Variants in NYAP2 observed in about 807,000 individuals in gnomAD.
NYAP2 encodes neuronal tyrosine-phosphorylated phosphoinositide-3-kinase adapter 2.
In NYAP2, 23 loss-of-function variants were observed where a neutral mutation model predicts 50.4. The ratio of observed to expected loss-of-function variants is 0.46; its 90% CI spans 0.33 to 0.65. The LOEUF is 0.65. Among genes scored for constraint, NYAP2 ranks in the 30% least tolerant of loss-of-function variants. NYAP2 has a pLI of 0.02. For synonymous variants in NYAP2, 394 were observed against 365.2 expected, an observed-to-expected ratio of 1.08 and a Z score of -0.90; for missense variants, 885 against 861.0, an observed-to-expected ratio of 1.03 and a Z score of -0.35.
At chr2:225,488,788 G>A (rs1690349655) in intron 3 of NYAP2, among the ~76,000 whole-genome samples, 1 of 152,246 alleles carries the variant, frequency 6.6e-6, no homozygotes, top group African/African-American at 2.4e-5. Flanking sequence ...ACACTCTTTT[G>A]GGACAGACTT....
At chr2:225,630,319 C>T (rs958469706) in intron 6 of NYAP2, among the ~76,000 whole-genome samples, 1 of 152,172 alleles carries the variant, frequency 6.6e-6, no homozygotes, top group African/African-American at 2.4e-5. Flanking sequence ...GTAGGCAGTT[C>T]CAGGTGTTTT....
the NYAP2 span, chr2:225,703,524 C>G: frequency 6.6e-6 from 1 of 151,654 alleles, no homozygotes; most frequent in African/African-American, 2.4e-5. Context: ...TACTTTGATA[C>G]TACTAAAGTA....
chr2:225,579,533 GT>G (rs759179847), intron 4 of NYAP2, among the ~76,000 whole-genome samples: 15 of 152,034 alleles, frequency 9.9e-5, no homozygotes, highest in Non-Finnish European at 2.2e-4. Context: ...CATTTTTTCT[GT>G]TTCTTTTGGC....
At chr2:225,451,980 A>G (rs2106148168) in intron 3 of NYAP2, among the ~76,000 whole-genome samples, 1 of 152,296 alleles carries the variant, frequency 6.6e-6, no homozygotes, top group African/African-American at 2.4e-5. Context: ...ATATACACAC[A>G]CACACATAAA....
the NYAP2 span, among the ~76,000 whole-genome samples, chr2:225,696,231 C>A: frequency 2.6e-5 from 4 of 151,912 alleles, no homozygotes; most frequent in African/African-American, 7.2e-5. Context: ...GACCTAGTTT[C>A]TTAAACTTTC....
At chr2:225,427,514 G>A (rs1695304831) in intron 3 of NYAP2, among the ~76,000 whole-genome samples, 1 of 152,154 alleles carries the variant, frequency 6.6e-6, no homozygotes, top group Admixed American at 6.5e-5. Flanking sequence ...TGCAAGTTTA[G>A]CCTCTGCTCA....
intron 3 of NYAP2, among the ~76,000 whole-genome samples, chr2:225,477,788 T>A (rs980247215): frequency 6.6e-6 from 1 of 152,074 alleles, no homozygotes; most frequent in African/African-American, 2.4e-5. Flanking sequence ...CACATGTATA[T>A]CTATATCTGT....
intron 5 of NYAP2, among the ~76,000 whole-genome samples, chr2:225,606,724 A>T (rs1236527586): frequency 6.6e-6 from 1 of 152,136 alleles, no homozygotes; most frequent in Non-Finnish European, 1.5e-5. Flanking sequence ...TAATTGGTCT[A>T]CTTTCTTGCC....
intron 3 of NYAP2, among the ~76,000 whole-genome samples, chr2:225,509,939 C>G (rs1690782094): frequency 6.6e-6 from 1 of 152,194 alleles, no homozygotes; most frequent in Non-Finnish European, 1.5e-5. Flanking sequence ...CCCCAGGCCA[C>G]TGACCTCAAG....
intron 6 of NYAP2, among the ~76,000 whole-genome samples, chr2:225,644,466 T>C (rs2106268195): frequency 6.6e-6 from 1 of 151,916 alleles, no homozygotes; most frequent in South Asian, 2.1e-4. Flanking sequence ...TTTGTCAATT[T>C]TGACTTTTGT....
intron 3 of NYAP2, among the ~76,000 whole-genome samples, chr2:225,433,583 G>A (rs1689309690): frequency 6.6e-6 from 1 of 151,980 alleles, no homozygotes; most frequent in South Asian, 2.1e-4. Context: ...TAGTTTGTAT[G>A]AGTAGAGTAG....
At chr2:225,555,576 A>G (rs1472992646) in intron 4 of NYAP2, among the ~76,000 whole-genome samples, 3 of 152,142 alleles carry the variant, frequency 2.0e-5, no homozygotes, top group Non-Finnish European at 4.4e-5. Context: ...TGACCCATCC[A>G]TCTAGTTTTC....
At chr2:225,655,909 C>CACACACACACACACACACACACACACAT (rs1559242687), downstream of NYAP2, among the ~76,000 whole-genome samples, 2 of 146,216 alleles carry the variant, frequency 1.4e-5, no homozygotes, top group African/African-American at 5.0e-5. Context: ...CACACACACA[C>CACACACACACACACACACACACACACAT]ACACACACAC....
downstream of NYAP2, among the ~76,000 whole-genome samples, chr2:225,655,076 A>G (rs918209006): frequency 3.3e-5 from 5 of 152,236 alleles, no homozygotes; most frequent in African/African-American, 1.2e-4. Flanking sequence ...CAGAGGTGGT[A>G]TATGAACAAA....
chr2:225,429,774 C>G lies in NYAP2; in HGVS notation c.221+20673C>G, dbSNP rs77901470. Among the ~76,000 whole-genome samples the G allele has an allele frequency of 9.3e-3, 1,423 of 152,272 alleles. 25 individuals are homozygous for G. Among genetic ancestry groups the G allele is most frequent in the African/African-American group, 0.032 (1,333 of 41,558 alleles). ...GCTCCATAAAGCTTCCTCTTGCAGT[C>G]ATTTTCTTTTTAGTATTAATTTGAA... On this transcript the variant is annotated intron_variant, in intron 3 of 6. Coordinates refer to ENST00000636099, the Ensembl canonical transcript of NYAP2.
chr2:225,577,260 C>T (rs1692184037), intron 4 of NYAP2, among the ~76,000 whole-genome samples: 1 of 152,106 alleles, frequency 6.6e-6, no homozygotes, highest in African/African-American at 2.4e-5. Context: ...ATTATTGCTT[C>T]TATCTTTGGG....
chr2:225,483,088 T>G (rs1266984626), intron 3 of NYAP2, among the ~76,000 whole-genome samples: 2 of 152,218 alleles, frequency 1.3e-5, no homozygotes, highest in Non-Finnish European at 2.9e-5. Context: ...TGTGAAAATC[T>G]GTCATTTATT....
intron 3 of NYAP2, among the ~76,000 whole-genome samples, chr2:225,482,237 C>T (rs1690218893): frequency 6.6e-6 from 1 of 152,054 alleles, no homozygotes; most frequent in Non-Finnish European, 1.5e-5. Flanking sequence ...AAACATCTTC[C>T]TATCTGATTT....
At chr2:225,618,951 T>A (rs1693041751) in intron 5 of NYAP2, among the ~76,000 whole-genome samples, 1 of 152,210 alleles carries the variant, frequency 6.6e-6, no homozygotes, top group Non-Finnish European at 1.5e-5. Flanking sequence ...TATTATATGC[T>A]TCTGTTTCCT....
Sources: gnomAD v4.1 joint callset for allele counts (sites outside exome capture counted in the v4.1 genomes callset) on GRCh38, gnomAD v4.1.1 for gene constraint, MANE v1.5 for transcripts, NCBI Gene and HGNC (gene_info 2026-07-23, HGNC 2026-07-21) for gene names.